The following NCF2 variants were observed in gnomAD, a reference collection of about 807,000 sequenced individuals.
NCF2 encodes the protein neutrophil cytosolic factor 2, also known as neutrophil cytosol factor 2.
In NCF2, 45 loss-of-function variants were observed where a neutral mutation model predicts 70.9. The ratio of observed to expected loss-of-function variants is 0.63; its 90% CI spans 0.50 to 0.81. NCF2 has a LOEUF of 0.81. Among genes scored for constraint, NCF2 ranks in the 40% least tolerant of loss-of-function variants. The pLI, the probability that NCF2 is intolerant of heterozygous loss-of-function variation, is 0.00. For missense variants in NCF2, 522 were observed against 631.6 expected, an observed-to-expected ratio of 0.83 and a Z score of 1.86; for synonymous variants, 203 against 233.6, an observed-to-expected ratio of 0.87 and a Z score of 1.19.
At chr1:183,595,851 T>G (rs1673754567), upstream of NCF2, among the ~76,000 whole-genome samples, 1 of 152,192 alleles carries the variant, frequency 6.6e-6, no homozygotes, top group Non-Finnish European at 1.5e-5. Context: ...TTCTATTGAT[T>G]AAAAGCAAGT....
At chr1:183,587,005 C>T (rs759409598) in intron 1 of NCF2, 28 bp from the exon 2 acceptor site, 1 of 1,596,886 alleles carries the variant, frequency 6.3e-7, no homozygotes, top group Admixed American at 1.7e-5. Flanking sequence ...CAGACATGGC[C>T]ATGATGCAAG....
chr1:183,568,801 C>A (rs920758545), intron 7 of NCF2, among the ~76,000 whole-genome samples: 1 of 151,930 alleles, frequency 6.6e-6, no homozygotes, highest in African/African-American at 2.4e-5. Flanking sequence ...TTCCACAGAA[C>A]ACCACTGCCC....
upstream of NCF2, chr1:183,590,538 C>G (rs1451917618): frequency 6.4e-5 from 42 of 653,760 alleles, no homozygotes; most frequent in East Asian, 9.4e-4. Context: ...GCAACTGACT[C>G]ATAACCCTAC....
chr1:183,580,228 A>G (rs1438119341), intron 2 of NCF2, among the ~76,000 whole-genome samples: 1 of 152,196 alleles, frequency 6.6e-6, no homozygotes, highest in African/African-American at 2.4e-5. Context: ...GTTAATAAAG[A>G]TGGTTGTAAA....
rs750881920 is a variant in NCF2 at position 183,585,624 on chromosome 1, CA to C, written c.257+1270del. On this transcript the variant is annotated intron_variant, in intron 2 of 14. Transcript: ENST00000367535. ...TGGGTGACAGGGCGAAACTCCGTCT[CA>C]AAAAAAAAAAAAATTCTTCATTAGC... Among the ~76,000 whole-genome samples, 124 of 114,392 alleles carry C rather than the reference CA, an allele frequency of 1.1e-3. 1 individual carries two copies. Among genetic ancestry groups the C allele is most frequent in the South Asian group, 3.3e-3 (13 of 3,980 alleles). 75.0% of individuals were successfully genotyped at this position (114,392 alleles called of 152,430 possible).
chr1:183,597,676 C>T, the NCF2 span: 1 of 152,280 alleles, frequency 6.6e-6, no homozygotes, highest in East Asian at 1.9e-4. Flanking sequence ...CATGTATACT[C>T]AATGTTTAGC....
At position 183,590,145 on chromosome 1, in the gene NCF2, C is replaced by T; in HGVS notation, c.174+11G>A. The T allele has an allele frequency of 1.9e-6, 3 of 1,614,162 alleles. No homozygotes were observed. Among genetic ancestry groups the T allele is most frequent in the Non-Finnish European group, 1.7e-6 (2 of 1,180,034 alleles). On this transcript the variant is annotated intron_variant, in intron 1 of 14. Transcript: ENST00000367535. ...CACAGAGGAGGCCCGGAAAGAGGCACCTCCACTCACCTTCTCTGCTTCAGT... is the reference window on the plus strand; with the variant it reads ...CACAGAGGAGGCCCGGAAAGAGGCATCTCCACTCACCTTCTCTGCTTCAGT...
chr1:183,581,968 A>G (rs1336713173), intron 2 of NCF2, among the ~76,000 whole-genome samples: 1 of 152,156 alleles, frequency 6.6e-6, no homozygotes, highest in Non-Finnish European at 1.5e-5. Context: ...CGCCTCGCCA[A>G]CTAAGTGTCG....
intron 2 of NCF2, among the ~76,000 whole-genome samples, chr1:183,578,132 C>G (rs1672885717): frequency 6.6e-6 from 1 of 152,170 alleles, no homozygotes; most frequent in African/African-American, 2.4e-5. Context: ...TCCTGGCTCC[C>G]ACCATCAGGC....
At chr1:183,600,928 A>G in the NCF2 span, among the ~76,000 whole-genome samples, 4 of 152,240 alleles carry the variant, frequency 2.6e-5, no homozygotes, top group African/African-American at 9.6e-5. Context: ...GCAGGGATAT[A>G]TACCATCAAG....
chr1:183,562,214 T>A (rs1274087362), intron 13 of NCF2, among the ~76,000 whole-genome samples: 1 of 152,150 alleles, frequency 6.6e-6, no homozygotes, highest in Non-Finnish European at 1.5e-5. Context: ...AGATTGAAGC[T>A]GCTGTCAAAG....
intron 5 of NCF2, among the ~76,000 whole-genome samples, chr1:183,572,303 G>A (rs1035608314): frequency 6.6e-6 from 1 of 152,232 alleles, no homozygotes; most frequent in Admixed American, 6.5e-5. Context: ...TCCTGCCTCA[G>A]CCTCCCAGGT....
chr1:183,575,146 T>C (rs369123188), intron 3 of NCF2, among the ~76,000 whole-genome samples: 8 of 152,150 alleles, frequency 5.3e-5, no homozygotes, highest in East Asian at 3.9e-4. Context: ...CAGCAGAACC[T>C]GGCCCAGACC....
At chr1:183,600,582 A>G in the NCF2 span, among the ~76,000 whole-genome samples, 11 of 152,186 alleles carry the variant, frequency 7.2e-5, no homozygotes, top group Non-Finnish European at 1.2e-4. Context: ...TCAGATTAGA[A>G]GACATTGTCT....
At chr1:183,599,469 TC>T in the NCF2 span, among the ~76,000 whole-genome samples, 1 of 142,598 alleles carries the variant, frequency 7.0e-6, no homozygotes, top group African/African-American at 2.7e-5. Context: ...TTTCTTTCTT[TC>T]TTTCTTTCTT....
rs533855148 is a variant in NCF2, at chr1:183,587,739, C to T, written c.175-762G>A. ...ACTAAAGCATTTTCCCAAAGGAGCT[C>T]ATCATTTTAAAAATGGACTTGACAA... On this transcript the variant is annotated intron_variant, in intron 1 of 14. Coordinates refer to ENST00000367535, the MANE Select transcript of NCF2 (RefSeq NM_000433.4). 1.3e-4 allele frequency among the ~76,000 whole-genome samples: 19 copies of T among 151,910 alleles called. 1 individual carries two copies. The South Asian group carries it at 3.5e-3, about 28-fold the overall frequency.
chr1:183,577,844 G>C lies in NCF2; in HGVS notation c.258-137C>G, dbSNP rs556809073. ...TTTCAGTTCCTTTTGACCTGTTCTA[G>C]TTTTCAGCAACCCTGAGTCCAAGTA... On this transcript the variant is annotated intron_variant, in intron 2 of 14. Transcript: ENST00000367535. 108 of 711,186 alleles carry C rather than the reference G, an allele frequency of 1.5e-4. 1 individual carries two copies. The highest frequency in any genetic ancestry group is 1.3e-3 in the South Asian group (84 of 65,060). 44.1% of individuals were successfully genotyped at this position (711,186 alleles called of 1,614,324 possible).
chr1:183,560,278 A>T lies in NCF2; in HGVS notation c.1291-5T>A. On this transcript the variant is annotated splice_region_variant and splice_polypyrimidine_tract_variant and intron_variant, in intron 13 of 14. Transcript: ENST00000367535. Reference sequence around the variant, plus strand: ...ATCTGGAAAGCCTTGGTCACCCTGAAATAATAAAGGGCCTGTTAATTTTCC... The same window carrying T: ...ATCTGGAAAGCCTTGGTCACCCTGATATAATAAAGGGCCTGTTAATTTTCC... The T allele has an allele frequency of 6.2e-7, 1 of 1,614,128 alleles. No individual in the cohort carries two copies. Among genetic ancestry groups the T allele is most frequent in the Non-Finnish European group, 8.5e-7 (1 of 1,180,008 alleles).
intron 14 of NCF2, among the ~76,000 whole-genome samples, chr1:183,559,737 T>G (rs901571618): frequency 3.3e-5 from 5 of 152,252 alleles, no homozygotes; most frequent in African/African-American, 9.6e-5. Context: ...TGGGCGCCTG[T>G]AATCCTAGCT....
Sources: gnomAD v4.1 joint callset for allele counts (sites outside exome capture counted in the v4.1 genomes callset) on GRCh38, gnomAD v4.1.1 for gene constraint, MANE v1.5 for transcripts, NCBI Gene and HGNC (gene_info 2026-07-23, HGNC 2026-07-21) for gene names.